The following SDK1 variants were observed in gnomAD, a reference collection of about 807,000 sequenced individuals.
SDK1 encodes the protein protein sidekick-1.
SDK1 carries 157 observed loss-of-function variants against 245.5 expected under a neutral mutation model. That is an observed-to-expected ratio of 0.64 (90% CI 0.56 to 0.73). The LOEUF is 0.73. SDK1 is among the 30% of genes least tolerant of loss of function. The pLI is 0.00. For missense variants in SDK1, 3,583 were observed against 3,002.3 expected (o/e 1.19, Z -4.52); for synonymous variants, 1,647 against 1,278.5 (o/e 1.29, Z -6.15).
intron 5 of SDK1, among the ~76,000 whole-genome samples, chr7:3,841,423 T>G (rs758057039): frequency 2.0e-5 from 3 of 152,204 alleles, no homozygotes; most frequent in Non-Finnish European, 2.9e-5. Flanking sequence ...AACCATTTGC[T>G]TGGCAGCACA....
chr7:3,362,251 A>G (rs1233771687), intron 1 of SDK1, among the ~76,000 whole-genome samples: 1 of 152,232 alleles, frequency 6.6e-6, no homozygotes, highest in Non-Finnish European at 1.5e-5. Flanking sequence ...TTCACATAGT[A>G]TAGTACACAG....
At chr7:3,621,195 G>A (rs1303822827) in intron 2 of SDK1, among the ~76,000 whole-genome samples, 1 of 152,132 alleles carries the variant, frequency 6.6e-6, no homozygotes, top group Non-Finnish European at 1.5e-5. Context: ...TTGTTAGAAG[G>A]GGTGTAAGAA....
chr7:3,865,692 T>C (rs1780804419), intron 5 of SDK1, among the ~76,000 whole-genome samples: 2 of 151,722 alleles, frequency 1.3e-5, no homozygotes, highest in South Asian at 2.1e-4. Context: ...TCTTTTTTTT[T>C]TTTTTAGAAA....
At chr7:3,674,723 T>G (rs11974984) in intron 4 of SDK1, among the ~76,000 whole-genome samples, 112,674 of 152,040 alleles carry the variant, frequency 0.74, 42,922 homozygotes, top group African/African-American at 0.94. Context: ...TGTAGCTTTT[T>G]CCAATTTTCA....
rs746369052 is a variant in SDK1 at position 4,210,073 on chromosome 7, C to G, written c.5450C>G (p.Thr1817Arg). The G allele has an allele frequency of 3.7e-6, 6 of 1,609,092 alleles. No homozygotes were observed. Among genetic ancestry groups the G allele is most frequent in the Non-Finnish European group, 5.1e-6 (6 of 1,178,214 alleles). ...GCGTTCTCAGAAATAACCTCCACCA[C>G]GCTCAACGTGTCCTGGGGCGAGCCT... is the stretch of plus-strand genomic sequence containing the variant. ...FLAFSEITST[T>R]LNVSWGEPAA... Residue 1817 changes from threonine (T) to arginine (R), a missense_variant, in exon 38 of 45, where the codon ACG (threonine) becomes AGG (arginine). Thr to Arg is a moderately conservative substitution (Grantham distance 71). Transcript: ENST00000404826.
chr7:3,413,678 C>T (rs1011865606), intron 1 of SDK1, among the ~76,000 whole-genome samples: 7 of 152,006 alleles, frequency 4.6e-5, no homozygotes, highest in Admixed American at 2.6e-4. Flanking sequence ...CAGAGCGAAA[C>T]TTCATCTCAA....
At chr7:3,747,709 G>A (rs1162743515) in intron 4 of SDK1, among the ~76,000 whole-genome samples, 2 of 152,138 alleles carry the variant, frequency 1.3e-5, no homozygotes, top group Non-Finnish European at 2.9e-5. Flanking sequence ...GTGTGTGTGT[G>A]TGTGTGTGTA....
Position 4,208,261 on chromosome 7 carries a change from C to T in SDK1, c.5377C>T (p.Gln1793Ter). ...CGGAGATGGACCTAAGAGTGACCCCCAGCAGGGGCGCACCCACCAGGCCGG... is the reference window on the plus strand; with the variant it reads ...CGGAGATGGACCTAAGAGTGACCCCTAGCAGGGGCGCACCCACCAGGCCGG... The part of the protein sequence containing the change: ...AAGDGPKSDP[Q>*]QGRTHQAAPG... The change falls in exon 37 of 45, where the codon CAG becomes TAG. Residue 1793 changes from glutamine to a stop codon, truncating the protein, a stop_gained. Transcript: ENST00000404826. LOFTEE classifies it high-confidence loss of function. 6.2e-7 allele frequency: 1 copy of T among 1,613,532 alleles called. No homozygotes were observed. Among genetic ancestry groups the T allele is most frequent in the Non-Finnish European group, 8.5e-7 (1 of 1,179,886 alleles).
At chr7:3,367,147 T>TTTTATTTA (rs61289936) in intron 1 of SDK1, among the ~76,000 whole-genome samples, 23 of 151,556 alleles carry the variant, frequency 1.5e-4, no homozygotes, top group African/African-American at 4.1e-4. Context: ...TACAATTTTA[T>TTTTATTTA]TTTATTTATT....
chr7:4,197,055 G>A (rs918695211), intron 35 of SDK1, among the ~76,000 whole-genome samples: 4 of 152,276 alleles, frequency 2.6e-5, no homozygotes, highest in South Asian at 2.1e-4. Flanking sequence ...GGCCTCCAAC[G>A]ATCTGCTGTG....
At chr7:3,596,130 C>G (rs1239778254) in intron 1 of SDK1, among the ~76,000 whole-genome samples, 1 of 152,006 alleles carries the variant, frequency 6.6e-6, no homozygotes, top group Non-Finnish European at 1.5e-5. Flanking sequence ...CTCCAGTGAG[C>G]ATTTCCTTTG....
At chr7:4,150,500 A>G (rs1409286251) in intron 30 of SDK1, among the ~76,000 whole-genome samples, 2 of 152,202 alleles carry the variant, frequency 1.3e-5, no homozygotes, top group Admixed American at 6.5e-5. Context: ...CAGTAAGGGG[A>G]GACCATGATC....
chr7:3,566,035 T>C (rs1460985199), intron 1 of SDK1, among the ~76,000 whole-genome samples: 1 of 152,100 alleles, frequency 6.6e-6, no homozygotes, highest in African/African-American at 2.4e-5. Flanking sequence ...ATCTATGAAT[T>C]AATAAGAATG....
chr7:4,088,416 T>C (rs997373486), intron 22 of SDK1, among the ~76,000 whole-genome samples: 3 of 152,198 alleles, frequency 2.0e-5, no homozygotes, highest in Admixed American at 6.5e-5. Context: ...AATCTTTGTT[T>C]TGTCACTCTA....
chr7:4,213,477 C>T (rs776136100), intron 38 of SDK1, among the ~76,000 whole-genome samples: 30 of 151,778 alleles, frequency 2.0e-4, no homozygotes, highest in Admixed American at 3.9e-4. Context: ...CCCAGTTACT[C>T]GGGAGGCTGA....
At chr7:3,308,488 A>G (rs10228723) in intron 1 of SDK1, among the ~76,000 whole-genome samples, 57,766 of 152,082 alleles carry the variant, frequency 0.38, 12,255 homozygotes, top group South Asian at 0.5. Flanking sequence ...CTTTATTGAT[A>G]TACAGACAAT....
At chr7:3,667,221 C>A (rs1783561350) in intron 4 of SDK1, among the ~76,000 whole-genome samples, 1 of 152,068 alleles carries the variant, frequency 6.6e-6, no homozygotes, top group African/African-American at 2.4e-5. Context: ...ATAGTGTGTT[C>A]AAATGTAATT....
rs145574103 is a variant in SDK1 at position 3,534,173 on chromosome 7, A to T, written c.299-84907A>T. Among the ~76,000 whole-genome samples, 301 of 152,298 alleles carry T rather than the reference A, an allele frequency of 2.0e-3. 1 individual carries two copies. The Middle Eastern group carries it at 0.02, about 10-fold the overall frequency. ...AGTATTTGTTCTCTTTGACCAGGTT[A>T]TTTATCTCCCTGAGCATAAGTCTCA... On this transcript the variant is annotated intron_variant, in intron 1 of 44. Transcript: ENST00000404826.
intron 1 of SDK1, among the ~76,000 whole-genome samples, chr7:3,454,364 C>T (rs529722138): frequency 2.8e-5 from 4 of 141,584 alleles, no homozygotes; most frequent in South Asian, 4.8e-4. Flanking sequence ...TAATGCATTT[C>T]GATTTTTTCG....
Sources: allele counts gnomAD v4.1 joint callset (sites outside exome capture counted in the v4.1 genomes callset), GRCh38; gene constraint gnomAD v4.1.1; transcripts MANE v1.5; gene names NCBI Gene and HGNC (gene_info 2026-07-23, HGNC 2026-07-21).